Variants in PDE4D observed in about 807,000 individuals in gnomAD.
PDE4D encodes phosphodiesterase 4D, also known as 3',5'-cyclic-AMP phosphodiesterase 4D.
Under a neutral mutation model 87.4 loss-of-function variants are expected in PDE4D, and 24 were observed. The ratio of observed to expected loss-of-function variants is 0.27; its 90% CI spans 0.20 to 0.39. PDE4D has a LOEUF of 0.39. PDE4D is among the 10% of genes least tolerant of loss of function. The probability of loss-of-function intolerance (pLI) is 1.00; values close to 1 mark genes in which losing one functional copy is unlikely to be tolerated. For synonymous variants in PDE4D, 384 were observed against 383.2 expected (o/e 1.00, Z -0.02); for missense variants, 714 against 1,041.0 (o/e 0.69, Z 4.32).
At chr5:60,385,063 TG>T (rs1430318582) in intron 1 of PDE4D, among the ~76,000 whole-genome samples, 1 of 152,206 alleles carries the variant, frequency 6.6e-6, no homozygotes, top group Non-Finnish European at 1.5e-5. Context: ...CACTCTCTCT[TG>T]CATTCTCATG....
rs79726374 is a variant in PDE4D, at chr5:60,383,590, T to C, written c.-90+104352A>G. The stretch of plus-strand genomic sequence containing the variant: ...ACCTCCCTCTTTTATAGGTGAAGAA[T>C]GTGAACTCAGAGAGGTGAATGGACT... On this transcript the variant is annotated intron_variant, in intron 1 of 16. Coordinates refer to the PDE4D transcript ENST00000502484. Among the ~76,000 whole-genome samples, 8 of 152,304 alleles carry C rather than the reference T, an allele frequency of 5.3e-5. No homozygotes were observed. The South Asian group carries it at 1.4e-3, about 28-fold the overall frequency.
At chr5:59,931,690 TC>T (rs1755939852) in intron 3 of PDE4D, among the ~76,000 whole-genome samples, 2 of 99,908 alleles carry the variant, frequency 2.0e-5, no homozygotes, top group Non-Finnish European at 4.2e-5. Flanking sequence ...CTTTTCTTCT[TC>T]TTCTTTTTTT....
intron 6 of PDE4D, among the ~76,000 whole-genome samples, chr5:59,028,636 T>C (rs910564610): frequency 6.6e-6 from 1 of 151,952 alleles, no homozygotes; most frequent in Non-Finnish European, 1.5e-5. Flanking sequence ...AGGCTGTCTA[T>C]AGTAGGGTGC....
intron 3 of PDE4D, among the ~76,000 whole-genome samples, chr5:59,186,378 G>T (rs145112951): frequency 6.6e-6 from 1 of 152,246 alleles, no homozygotes; most frequent in African/African-American, 2.4e-5. Context: ...AACAGTGCCT[G>T]GCAAATAGAA....
chr5:59,296,432 C>G (rs1419435081), intron 1 of PDE4D, among the ~76,000 whole-genome samples: 1 of 151,934 alleles, frequency 6.6e-6, no homozygotes, highest in African/African-American at 2.4e-5. Flanking sequence ...AAAAATCCTG[C>G]ATTGTTACTC....
chr5:60,391,295 A>G (rs1278199244), intron 1 of PDE4D, among the ~76,000 whole-genome samples: 1 of 152,220 alleles, frequency 6.6e-6, no homozygotes, highest in Non-Finnish European at 1.5e-5. Context: ...CTGAAGGTAG[A>G]TAGCTATAAA....
chr5:60,405,479 C>T (rs1741451723), intron 1 of PDE4D, among the ~76,000 whole-genome samples: 1 of 152,228 alleles, frequency 6.6e-6, no homozygotes, highest in Admixed American at 6.5e-5. Context: ...AATGAGGTCA[C>T]TGGCCCTGTC....
At chr5:60,379,204 A>AG (rs397813480) in intron 1 of PDE4D, among the ~76,000 whole-genome samples, 2 of 151,376 alleles carry the variant, frequency 1.3e-5, no homozygotes, top group Admixed American at 6.6e-5. Flanking sequence ...AAAAAAAAAA[A>AG]CATTAAAACC....
chr5:60,327,893 GC>G lies in PDE4D; in HGVS notation c.-89-142207del, dbSNP rs113388481. ...AGTATATGAAAATTCATCACACTGA[GC>G]AAATGATTTTTATGTTTTTTCTACA... On this transcript the variant is annotated intron_variant, in intron 1 of 16. Transcript: ENST00000502484. Among the ~76,000 whole-genome samples, 8 of 152,230 alleles carry G rather than the reference GC, an allele frequency of 5.3e-5. 1 individual carries two copies. Among genetic ancestry groups the G allele is most frequent in the African/African-American group, 1.9e-4 (8 of 41,560 alleles).
At chr5:59,525,818 C>T (rs538375416) in intron 1 of PDE4D, among the ~76,000 whole-genome samples, 1 of 152,190 alleles carries the variant, frequency 6.6e-6, no homozygotes, top group South Asian at 2.1e-4. Flanking sequence ...GGCTTTTTCC[C>T]CCTTTCCTCT....
At chr5:59,529,885 G>A (rs999332164) in intron 1 of PDE4D, among the ~76,000 whole-genome samples, 9 of 152,108 alleles carry the variant, frequency 5.9e-5, no homozygotes, top group African/African-American at 1.7e-4. Context: ...GAGTTCATAT[G>A]GACCTGTCAG....
intron 1 of PDE4D, among the ~76,000 whole-genome samples, chr5:60,301,269 A>T (rs58170069): frequency 8.6e-4 from 131 of 152,318 alleles, no homozygotes; most frequent in African/African-American, 2.9e-3. Flanking sequence ...TGGTAATTTA[A>T]TGGGAATAGC....
chr5:59,444,672 C>A (rs984369007), intron 1 of PDE4D, among the ~76,000 whole-genome samples: 2 of 152,014 alleles, frequency 1.3e-5, no homozygotes, highest in African/African-American at 4.8e-5. Context: ...ATTAGCCGGG[C>A]GTGATGTCAG....
chr5:59,193,090 C>T (rs1744697572), intron 3 of PDE4D, among the ~76,000 whole-genome samples: 2 of 152,168 alleles, frequency 1.3e-5, no homozygotes, highest in Admixed American at 6.5e-5. Context: ...AGCTAAATCT[C>T]TGCACAAATG....
intron 1 of PDE4D, among the ~76,000 whole-genome samples, chr5:59,506,298 T>C (rs35587177): frequency 2.0e-5 from 3 of 152,174 alleles, no homozygotes; most frequent in African/African-American, 7.2e-5. Flanking sequence ...ATATGTAACA[T>C]ACTAGTTTTC....
intron 5 of PDE4D, among the ~76,000 whole-genome samples, chr5:59,109,639 C>T (rs184285220): frequency 1.3e-5 from 2 of 151,960 alleles, no homozygotes; most frequent in East Asian, 1.9e-4. Context: ...CCTATTGGGC[C>T]CAGCTCATAT....
At chr5:59,034,623 C>T (rs1257412594) in intron 6 of PDE4D, among the ~76,000 whole-genome samples, 2 of 152,128 alleles carry the variant, frequency 1.3e-5, no homozygotes, top group Non-Finnish European at 2.9e-5. Context: ...AGACAAAGCA[C>T]CCAGCAAAGC....
intron 1 of PDE4D, among the ~76,000 whole-genome samples, chr5:59,677,739 T>C (rs1456763468): frequency 6.6e-6 from 1 of 152,156 alleles, no homozygotes; most frequent in Non-Finnish European, 1.5e-5. Context: ...GGTTTCCGAA[T>C]CAGCCCAGCA....
chr5:60,361,519 A>T (rs549935126), intron 1 of PDE4D, among the ~76,000 whole-genome samples: 1 of 152,210 alleles, frequency 6.6e-6, no homozygotes, highest in Non-Finnish European at 1.5e-5. Flanking sequence ...GCAGACAAAT[A>T]CTAAGTAAAT....
Sources: allele counts gnomAD v4.1 joint callset (sites outside exome capture counted in the v4.1 genomes callset), GRCh38; gene constraint gnomAD v4.1.1; transcripts MANE v1.5; gene names NCBI Gene and HGNC (gene_info 2026-07-23, HGNC 2026-07-21).